Variants in DENND1A observed in about 807,000 individuals in gnomAD.
DENND1A encodes DENN domain containing 1A.
A neutral mutation model predicts 113.7 loss-of-function variants in DENND1A; 51 were observed. The ratio of observed to expected loss-of-function variants is 0.45; its 90% CI spans 0.36 to 0.57. The LOEUF is 0.57. Among genes scored for constraint, DENND1A ranks in the 20% least tolerant of loss-of-function variants. The probability of loss-of-function intolerance (pLI) is 0.00; values close to 1 mark genes in which losing one functional copy is unlikely to be tolerated. For synonymous variants in DENND1A, 565 were observed against 570.8 expected (o/e 0.99, Z 0.14); for missense variants, 1,258 against 1,395.9 (o/e 0.90, Z 1.57).
At chr9:123,763,701 A>G (rs2071231219) in intron 4 of DENND1A, among the ~76,000 whole-genome samples, 2 of 152,146 alleles carry the variant, frequency 1.3e-5, no homozygotes, top group South Asian at 4.1e-4. Flanking sequence ...TGGGTGGAGA[A>G]GAGACCAAAG....
chr9:123,591,860 C>T (rs1045174217), intron 11 of DENND1A, among the ~76,000 whole-genome samples: 1 of 152,196 alleles, frequency 6.6e-6, no homozygotes, highest in Non-Finnish European at 1.5e-5. Flanking sequence ...TGATAACAAT[C>T]ATGTAAAATT....
At chr9:123,766,821 A>C (rs1828896302) in intron 4 of DENND1A, among the ~76,000 whole-genome samples, 1 of 152,256 alleles carries the variant, frequency 6.6e-6, no homozygotes, top group South Asian at 2.1e-4. Flanking sequence ...CTAGTTTGAA[A>C]AAGAAAAATC....
At chr9:123,624,511 G>A (rs1028308228) in intron 10 of DENND1A, among the ~76,000 whole-genome samples, 1 of 152,070 alleles carries the variant, frequency 6.6e-6, no homozygotes. Context: ...AATCCCCACC[G>A]GCCTGTAATC....
At position 123,457,820 on chromosome 9, in the gene DENND1A, G is replaced by T; in HGVS notation, c.1071C>A (p.Asn357Lys). ...GCTTGAAGAGCTGCAGCTGTGTGGC[G>T]TTCTGCAGGAACTGCCTCATGGCTC... ...RSGAMRQFLQNATQLQLFKQF... is the reference protein window; with the variant it reads ...RSGAMRQFLQKATQLQLFKQF... The change falls in exon 14 of 24, where the codon AAC becomes AAA. Residue 357 changes from asparagine (N) to lysine (K), a missense_variant. Asn to Lys is a moderately conservative substitution (Grantham distance 94). Coordinates refer to ENST00000394215, the MANE Select transcript of DENND1A (RefSeq NM_001352964.2). 6.2e-7 allele frequency: 1 copy of T among 1,612,168 alleles called. No homozygotes were observed. The highest frequency in any genetic ancestry group is 1.3e-5 in the African/African-American group (1 of 74,966).
intron 13 of DENND1A, among the ~76,000 whole-genome samples, chr9:123,469,562 AG>A (rs2049231209): frequency 6.6e-6 from 1 of 152,258 alleles, no homozygotes; most frequent in Non-Finnish European, 1.5e-5. Flanking sequence ...TGATTAGTGC[AG>A]GAACGGCAGA....
chr9:123,607,378 G>T (rs2060200749), intron 11 of DENND1A, among the ~76,000 whole-genome samples: 1 of 149,748 alleles, frequency 6.7e-6, no homozygotes. Flanking sequence ...GCCATGATCA[G>T]TGTGTTCCAC....
chr9:123,723,445 G>A (rs991139135), intron 5 of DENND1A, among the ~76,000 whole-genome samples: 2 of 152,254 alleles, frequency 1.3e-5, no homozygotes, highest in African/African-American at 2.4e-5. Flanking sequence ...ATTTGGGAGG[G>A]GCTGGGGTGG....
chr9:123,916,580 T>A lies in DENND1A; in HGVS notation c.17+13309A>T, dbSNP rs529079151. Among the ~76,000 whole-genome samples the A allele has an allele frequency of 2.6e-4, 40 of 151,970 alleles. No homozygotes were observed. In the South Asian group the frequency reaches 8.3e-3, roughly 32 times the overall value. ...TAGAGACGGGGTTTCTCCATGTGGG[T>A]CAGGCTGGTCTCGAACTCCCGACCT... On this transcript the variant is annotated intron_variant, in intron 1 of 23. Transcript: ENST00000394215.
intron 3 of DENND1A, among the ~76,000 whole-genome samples, chr9:123,790,233 C>T (rs1832798160): frequency 6.6e-6 from 1 of 152,046 alleles, no homozygotes; most frequent in Admixed American, 6.6e-5. Context: ...ACTAAGATTA[C>T]AACCTAAATG....
intron 13 of DENND1A, among the ~76,000 whole-genome samples, chr9:123,507,221 C>G (rs2053034898): frequency 6.6e-6 from 1 of 152,052 alleles, no homozygotes; most frequent in African/African-American, 2.4e-5. Context: ...AGAAAAGAAA[C>G]ATAATATTTT....
At chr9:123,484,004 A>T (rs1391925848) in intron 13 of DENND1A, among the ~76,000 whole-genome samples, 1 of 152,142 alleles carries the variant, frequency 6.6e-6, no homozygotes, top group African/African-American at 2.4e-5. Flanking sequence ...CATGCCATAC[A>T]TGCTATTAAA....
intron 1 of DENND1A, among the ~76,000 whole-genome samples, chr9:123,909,769 G>A (rs1012220525): frequency 1.3e-5 from 2 of 152,030 alleles, no homozygotes; most frequent in African/African-American, 4.8e-5. Context: ...CAGAAAACCT[G>A]ACTGTATACA....
intron 13 of DENND1A, among the ~76,000 whole-genome samples, chr9:123,470,925 C>G (rs1377527333): frequency 6.6e-6 from 1 of 152,098 alleles, no homozygotes; most frequent in African/African-American, 2.4e-5. Flanking sequence ...CAGGAGACTT[C>G]GGTAGGAAGT....
chr9:123,435,719 A>G (rs1015832272), intron 19 of DENND1A, among the ~76,000 whole-genome samples: 4 of 152,232 alleles, frequency 2.6e-5, no homozygotes, highest in South Asian at 2.1e-4. Flanking sequence ...ACTAGGGTCC[A>G]GTGTCACTGA....
chr9:123,515,923 C>G (rs1466208088), intron 13 of DENND1A, among the ~76,000 whole-genome samples: 1 of 151,882 alleles, frequency 6.6e-6, no homozygotes, highest in Non-Finnish European at 1.5e-5. Context: ...AAAATAAAAA[C>G]CCAAAAATCA....
chr9:123,381,709 G>C lies in DENND1A; in HGVS notation c.2936C>G (p.Pro979Arg). 1 of 1,545,180 alleles carries C rather than the reference G, an allele frequency of 6.5e-7. No homozygotes were observed. The highest frequency in any genetic ancestry group is 1.2e-5 in the South Asian group (1 of 83,156). The change falls in exon 24 of 24, where the codon CCG (proline) becomes CGG (arginine). Residue 979 changes from proline (P) to arginine (R), a missense_variant. By Grantham distance (103) the Pro-to-Arg change is moderately radical. Around this residue, in one of 2 missense-constraint regions of DENND1A, gnomAD observed 1,159 missense variants for 1,231.7 expected, o/e 0.94. Coordinates refer to ENST00000394215, the MANE Select transcript of DENND1A (RefSeq NM_001352964.2). The surrounding 1 kb of genome is among the most constrained non-coding windows in gnomAD (Gnocchi z 4.7). ...LQPLGPPAVA[P>R]SRIRTLPLAR... ...CAGGGGCAACGTTCGGATCCTCGAC[G>C]GGGCAACTGCTGGGGGACCCAGCGG...
intron 2 of DENND1A, among the ~76,000 whole-genome samples, chr9:123,874,736 T>C (rs1436985758): frequency 6.6e-6 from 1 of 152,244 alleles, no homozygotes; most frequent in East Asian, 1.9e-4. Flanking sequence ...GATACTACTA[T>C]ATAACCATCA....
chr9:123,691,474 G>T (rs1191557357), intron 5 of DENND1A, among the ~76,000 whole-genome samples: 1 of 151,792 alleles, frequency 6.6e-6, no homozygotes, highest in Non-Finnish European at 1.5e-5. Flanking sequence ...AAGAAACAAA[G>T]AATTACAAAT....
At chr9:123,625,326 G>A (rs1054308238) in intron 10 of DENND1A, among the ~76,000 whole-genome samples, 2 of 152,254 alleles carry the variant, frequency 1.3e-5, no homozygotes, top group African/African-American at 4.8e-5. Context: ...GTGTTCAACA[G>A]TGGCAGCTAT....
Sources: gnomAD v4.1 joint callset for allele counts (sites outside exome capture counted in the v4.1 genomes callset) on GRCh38, gnomAD v4.1.1 for gene constraint, gnomAD v4.1.1 regional missense constraint, Gnocchi (gnomAD v3.1) non-coding constraint, MANE v1.5 for transcripts, NCBI Gene and HGNC (gene_info 2026-07-23, HGNC 2026-07-21) for gene names.